BCAR3: variants seen among roughly 807,000 people sequenced by gnomAD.
BCAR3 encodes BCAR3 adaptor protein, NSP family member.
In BCAR3, 37 loss-of-function variants were observed where a neutral mutation model predicts 80.1. The ratio of observed to expected loss-of-function variants is 0.46; its 90% CI spans 0.36 to 0.61. The LOEUF (loss-of-function observed/expected upper bound fraction) is 0.61, where lower values mean the gene tolerates loss of function less well. BCAR3 is among the 20% of genes least tolerant of loss of function. BCAR3 has a pLI of 0.00. For missense variants in BCAR3, 978 were observed against 1,068.2 expected, an observed-to-expected ratio of 0.92 and a Z score of 1.18; for synonymous variants, 389 against 418.9, an observed-to-expected ratio of 0.93 and a Z score of 0.87.
At chr1:93,705,539 A>T (rs552145336) in intron 3 of BCAR3, among the ~76,000 whole-genome samples, 1 of 152,222 alleles carries the variant, frequency 6.6e-6, no homozygotes, top group Non-Finnish European at 1.5e-5. Flanking sequence ...CACTAGGGTT[A>T]AGAGGAGCAA....
At chr1:93,565,962 GA>G (rs1262041977) in intron 11 of BCAR3, among the ~76,000 whole-genome samples, 1 of 152,178 alleles carries the variant, frequency 6.6e-6, no homozygotes, top group African/African-American at 2.4e-5. Flanking sequence ...CCTCCTTCCT[GA>G]ATGGTCTTTC....
intron 2 of BCAR3, among the ~76,000 whole-genome samples, chr1:93,652,941 G>A (rs761970915): frequency 5.9e-5 from 9 of 152,154 alleles, no homozygotes; most frequent in East Asian, 1.9e-4. Flanking sequence ...TAGTTGAGTC[G>A]CAGAAATGAT....
chr1:93,762,808 C>G (rs770235436), intron 2 of BCAR3, among the ~76,000 whole-genome samples: 116 of 151,938 alleles, frequency 7.6e-4, no homozygotes, highest in Non-Finnish European at 3.7e-4. Context: ...CTCACCCACT[C>G]TCTCTCTCTC....
chr1:93,790,354 T>G (rs1653099525), intron 2 of BCAR3, among the ~76,000 whole-genome samples: 1 of 152,124 alleles, frequency 6.6e-6, no homozygotes, highest in South Asian at 2.1e-4. Context: ...TATATGTGAG[T>G]TGATTTATCC....
At chr1:93,772,585 CT>C (rs904596613) in intron 2 of BCAR3, among the ~76,000 whole-genome samples, 5 of 152,072 alleles carry the variant, frequency 3.3e-5, no homozygotes, top group African/African-American at 4.8e-5. Context: ...CCAACTTTTT[CT>C]TTTTTTCTTT....
chr1:93,644,550 G>A (rs151180918), intron 2 of BCAR3, among the ~76,000 whole-genome samples: 10 of 152,276 alleles, frequency 6.6e-5, no homozygotes, highest in Non-Finnish European at 1.2e-4. Flanking sequence ...ACCAAGCTGC[G>A]CCCCAACCAC....
chr1:93,780,199 A>G (rs11812065), intron 2 of BCAR3, among the ~76,000 whole-genome samples: 1,633 of 152,312 alleles, frequency 0.011, 21 homozygotes, highest in African/African-American at 0.038. Flanking sequence ...GTGGGGACTC[A>G]GAAGCGATCA....
chr1:93,592,972 CTT>C lies in BCAR3; in HGVS notation c.358-581_358-580del, dbSNP rs1420412318. On this transcript the variant is annotated intron_variant, in intron 3 of 11. Transcript: ENST00000260502. This position sits in a 1 kb window ranked among gnomAD's most constrained non-coding sequence, Gnocchi z 4.8. ...CTTGAATCTAATAACAGAAGTCTGT[CTT>C]TATTTCACATTTCTAATATTTCATT... Among the ~76,000 whole-genome samples, 1 of 152,234 alleles carries C rather than the reference CTT, an allele frequency of 6.6e-6. No individual in the cohort carries two copies. The highest frequency in any genetic ancestry group is 2.4e-5 in the African/African-American group (1 of 41,468).
chr1:93,562,841 C>T (rs1672757908), intron 11 of BCAR3, among the ~76,000 whole-genome samples: 1 of 151,170 alleles, frequency 6.6e-6, no homozygotes, highest in Non-Finnish European at 1.5e-5. Context: ...TCTTCTCTCT[C>T]TCAGAACTTT....
At chr1:93,746,493 T>C (rs1651363724) in intron 2 of BCAR3, among the ~76,000 whole-genome samples, 1 of 152,178 alleles carries the variant, frequency 6.6e-6, no homozygotes, top group South Asian at 2.1e-4. Context: ...CTAATATCTT[T>C]TGTAGAACAG....
intron 3 of BCAR3, among the ~76,000 whole-genome samples, chr1:93,634,339 G>C (rs1675712500): frequency 6.6e-6 from 1 of 152,120 alleles, no homozygotes; most frequent in African/African-American, 2.4e-5. Flanking sequence ...CATGGGGGCA[G>C]GTCTTTCCCA....
intron 2 of BCAR3, among the ~76,000 whole-genome samples, chr1:93,668,355 T>C (rs2101939541): frequency 6.6e-6 from 1 of 152,310 alleles, no homozygotes; most frequent in South Asian, 2.1e-4. Context: ...CTGGTAGATC[T>C]GCAGGCACTT....
At chr1:93,566,492 G>A (rs757781128) in intron 11 of BCAR3, among the ~76,000 whole-genome samples, 4 of 152,238 alleles carry the variant, frequency 2.6e-5, no homozygotes, top group South Asian at 2.1e-4. Context: ...AATGCCGGCC[G>A]TGCTGACTGA....
rs748477671 is a variant in BCAR3 at position 93,567,368 on chromosome 1, C to T, written c.2210G>A (p.Cys737Tyr). 1.9e-5 allele frequency: 30 copies of T among 1,614,094 alleles called. No individual in the cohort carries two copies. Among genetic ancestry groups the T allele is most frequent in the Non-Finnish European group, 2.5e-5 (30 of 1,180,058 alleles). The change falls in exon 11 of 12, where the codon TGT (cysteine) becomes TAT (tyrosine). Residue 737 changes from cysteine (C) to tyrosine (Y), a missense_variant. By Grantham distance (194) the Cys-to-Tyr change is radical. Coordinates refer to ENST00000260502, the MANE Select transcript of BCAR3 (RefSeq NM_003567.4). ...TGCCAAATGGTTCAGCATGATTTCA[C>T]AGCTCTGGTCGTTTTTTTCCCACAT... ...TDMWEKNDQS[C>Y]EIMLNHLATA...
At chr1:93,845,716 T>C (rs1038273220) in intron 1 of BCAR3, 1 of 152,084 alleles carries the variant, frequency 6.6e-6, no homozygotes, top group Non-Finnish European at 1.5e-5. Flanking sequence ...TGTCTCCCTA[T>C]GGAACAAAGA....
chr1:93,716,795 A>G (rs985982729), intron 2 of BCAR3, among the ~76,000 whole-genome samples: 1 of 152,200 alleles, frequency 6.6e-6, no homozygotes, highest in Admixed American at 6.5e-5. Context: ...TCCCCTCCTC[A>G]TTGGCTGAGG....
chr1:93,663,779 A>T (rs1310414952), intron 2 of BCAR3, among the ~76,000 whole-genome samples: 6 of 152,172 alleles, frequency 3.9e-5, no homozygotes, highest in Non-Finnish European at 1.5e-5. Context: ...CTGGCTCCTC[A>T]TTACCACACT....
At chr1:93,610,086 C>A (rs1674903680) in intron 3 of BCAR3, among the ~76,000 whole-genome samples, 1 of 152,258 alleles carries the variant, frequency 6.6e-6, no homozygotes, top group Admixed American at 6.5e-5. Flanking sequence ...ACCAACAACT[C>A]CCACTGGGTC....
At position 93,562,316 on chromosome 1, in the gene BCAR3, A is replaced by G. The variant is rs1162245177; in HGVS notation, c.2403T>C (p.Tyr801=). The G allele has an allele frequency of 1.2e-6, 2 of 1,614,016 alleles. No individual in the cohort carries two copies. Among genetic ancestry groups the G allele is most frequent in the African/African-American group, 2.7e-5 (2 of 74,934 alleles). ...CAGTTAAAATCTGGTTGAATTTCTC[A>G]TATCTCTCTGTCTGATTGACTTGTG... is the stretch of plus-strand genomic sequence containing the variant. ...KGAQVNQTER[Y]EKFNQILTAL... Residue 801 remains tyrosine (Y), a synonymous_variant, in exon 12 of 12, where the codon TAT becomes TAC. Coordinates refer to ENST00000260502, the MANE Select transcript of BCAR3 (RefSeq NM_003567.4).
Sources: allele counts gnomAD v4.1 joint callset (sites outside exome capture counted in the v4.1 genomes callset), GRCh38; gene constraint gnomAD v4.1.1; non-coding constraint Gnocchi (gnomAD v3.1); transcripts MANE v1.5; gene names NCBI Gene and HGNC (gene_info 2026-07-23, HGNC 2026-07-21).